IAPP: variants seen among roughly 807,000 people sequenced by gnomAD.
IAPP encodes Islet amyloid polypeptide (diabetes-associated peptide; amylin).
Under a neutral mutation model 2.9 loss-of-function variants are expected in IAPP, and 4 were observed. The observed-to-expected ratio is 1.39, with a 90% CI of 0.69 to 3.19. The LOEUF (loss-of-function observed/expected upper bound fraction) is 3.19. Ranked by LOEUF, IAPP falls within the 30% of genes most tolerant of loss-of-function variation. The pLI, the probability that IAPP is intolerant of heterozygous loss-of-function variation, is 0.01. For synonymous variants in IAPP, 40 were observed against 42.1 expected (o/e 0.95, Z 0.19); for missense variants, 114 against 105.3 (o/e 1.08, Z -0.36).
At chr12:21,363,388 T>G (rs1235553196) in intron 1 of IAPP, among the ~76,000 whole-genome samples, 2 of 152,124 alleles carry the variant, frequency 1.3e-5, no homozygotes, top group African/African-American at 4.8e-5. Context: ...TGGGACACAT[T>G]TAAAGCTGTA....
intron 2 of IAPP, chr12:21,373,740 A>C (rs1259539826): frequency 1.9e-5 from 13 of 700,890 alleles, no homozygotes; most frequent in Admixed American, 1.2e-4. Flanking sequence ...AAAGGTAGTA[A>C]TTTCTTCTAT....
At chr12:21,368,417 C>A (rs182186247), upstream of IAPP, among the ~76,000 whole-genome samples, 2 of 152,090 alleles carry the variant, frequency 1.3e-5, no homozygotes, top group Admixed American at 6.6e-5. Flanking sequence ...AAGAGTCACA[C>A]AGAGCAACCA....
At chr12:21,371,205 A>G (rs1295018693), upstream of IAPP, among the ~76,000 whole-genome samples, 1 of 152,142 alleles carries the variant, frequency 6.6e-6, no homozygotes, top group Non-Finnish European at 1.5e-5. Flanking sequence ...TGTTATAGCA[A>G]TGGTAAACTG....
At chr12:21,370,903 T>G (rs1161795212), upstream of IAPP, among the ~76,000 whole-genome samples, 1 of 152,176 alleles carries the variant, frequency 6.6e-6, no homozygotes, top group African/African-American at 2.4e-5. Flanking sequence ...TCAAGGGTTC[T>G]TGGCTTTGTT....
At chr12:21,355,987 G>T (rs1938332961) in intron 1 of IAPP, among the ~76,000 whole-genome samples, 2 of 152,014 alleles carry the variant, frequency 1.3e-5, no homozygotes, top group Non-Finnish European at 2.9e-5. Context: ...TGAAAGGGAT[G>T]ATTTGTGAAC....
intron 1 of IAPP, among the ~76,000 whole-genome samples, chr12:21,366,519 A>G (rs1044757754): frequency 4.6e-4 from 70 of 152,310 alleles, no homozygotes; most frequent in African/African-American, 1.5e-3. Context: ...CATTGTGCAC[A>G]TGTACCCTAG....
chr12:21,361,477 C>A (rs1433270164), intron 1 of IAPP, among the ~76,000 whole-genome samples: 1 of 152,152 alleles, frequency 6.6e-6, no homozygotes, highest in Non-Finnish European at 1.5e-5. Flanking sequence ...ATTAGCGCAC[C>A]TCTTCTCCTC....
intron 1 of IAPP, among the ~76,000 whole-genome samples, chr12:21,357,725 TTG>T (rs202062149): frequency 0.043 from 6,509 of 152,232 alleles, 146 homozygotes; most frequent in African/African-American, 0.048. Flanking sequence ...TTTATTTTTT[TTG>T]TTTTTATCTG....
chr12:21,377,730 C>T (rs900262863), intron 2 of IAPP, among the ~76,000 whole-genome samples: 5 of 152,138 alleles, frequency 3.3e-5, no homozygotes, highest in Non-Finnish European at 7.4e-5. Flanking sequence ...TTGCATATTG[C>T]AGAATTCCCT....
At chr12:21,363,167 T>G (rs141728390) in intron 1 of IAPP, among the ~76,000 whole-genome samples, 3,745 of 152,198 alleles carry the variant, frequency 0.025, 180 homozygotes, top group African/African-American at 0.085. Context: ...TCAGCAAATG[T>G]AAAAGAACAG....
chr12:21,377,574 C>T (rs1197997531), intron 2 of IAPP, among the ~76,000 whole-genome samples: 2 of 152,182 alleles, frequency 1.3e-5, no homozygotes, highest in Non-Finnish European at 2.9e-5. Flanking sequence ...TCCCCCTCTC[C>T]CTTGCCCCTG....
At chr12:21,366,837 TA>T (rs1939426180) in intron 1 of IAPP, among the ~76,000 whole-genome samples, 1 of 151,774 alleles carries the variant, frequency 6.6e-6, no homozygotes. Flanking sequence ...AGAAGTTAAA[TA>T]ATTAAAGAGA....
intron 1 of IAPP, among the ~76,000 whole-genome samples, chr12:21,358,928 G>A (rs1938590380): frequency 6.6e-6 from 1 of 151,966 alleles, no homozygotes; most frequent in African/African-American, 2.4e-5. Context: ...CATGAGAGAG[G>A]AAACAATAAC....
Position 21,364,769 on chromosome 12 carries a change from A to C in IAPP, c.-15-8568A>C, listed in dbSNP as rs552359487. Among the ~76,000 whole-genome samples the C allele has an allele frequency of 9.9e-5, 15 of 152,164 alleles. No homozygotes were observed. In the South Asian group the frequency reaches 2.9e-3, roughly 29 times the overall value. The stretch of plus-strand genomic sequence containing the variant: ...ACACCAATAACAGACAAACGGAGAG[A>C]CAAATCATGAGTGAACTCCATTCAC... On this transcript the variant is annotated intron_variant, in intron 1 of 2. Coordinates refer to the IAPP transcript ENST00000539393.
chr12:21,367,351 T>A (rs768607570), intron 1 of IAPP, among the ~76,000 whole-genome samples: 6 of 152,042 alleles, frequency 3.9e-5, no homozygotes, highest in Non-Finnish European at 5.9e-5. Flanking sequence ...AATGGAAGAA[T>A]GATGGGAGTA....
chr12:21,361,909 C>T (rs1375019201), intron 1 of IAPP, among the ~76,000 whole-genome samples: 2 of 152,128 alleles, frequency 1.3e-5, no homozygotes, highest in African/African-American at 2.4e-5. Flanking sequence ...AAGACCAAAT[C>T]TACGTCTGAT....
chr12:21,373,692 G>C (rs932545696), intron 2 of IAPP: 39 of 701,714 alleles, frequency 5.6e-5, no homozygotes, highest in Middle Eastern at 2.3e-4. Flanking sequence ...TTGGAACTTA[G>C]AGGGGCAAAG....
At chr12:21,368,564 G>T (rs1454576938), upstream of IAPP, among the ~76,000 whole-genome samples, 1 of 152,008 alleles carries the variant, frequency 6.6e-6, no homozygotes, top group Admixed American at 6.6e-5. Flanking sequence ...TGGGATAATG[G>T]TTTCAGAGCT....
chr12:21,378,394 AAG>A lies in IAPP; in HGVS notation c.245_246del (p.Glu82AlafsTer15). ...YGKRNAVEVLKREPLNYLPL is the reference protein window; with the variant it reads ...YGKRNAVEVLXREPLNYLPL ...CAAGAGGAATGCAGTAGAGGTTTTA[AAG>A]AGAGAGCCACTGAATTACTTGCCCC... On this transcript the variant is annotated frameshift_variant, in exon 3 of 3. Coordinates refer to ENST00000240652, the MANE Select transcript of IAPP (RefSeq NM_000415.3). LOFTEE classifies it high-confidence loss of function. 6.2e-7 allele frequency: 1 copy of A among 1,614,158 alleles called. No individual in the cohort carries two copies. The highest frequency in any genetic ancestry group is 8.5e-7 in the Non-Finnish European group (1 of 1,179,968).
Sources: gnomAD v4.1 joint callset for allele counts (sites outside exome capture counted in the v4.1 genomes callset) on GRCh38, gnomAD v4.1.1 for gene constraint, MANE v1.5 for transcripts, NCBI Gene and HGNC (gene_info 2026-07-23, HGNC 2026-07-21) for gene names.